The following GLT1D1 variants were observed in gnomAD, a reference collection of about 807,000 sequenced individuals.
The protein encoded by GLT1D1 is glycosyltransferase 1 domain-containing protein 1.
GLT1D1 carries 21 observed loss-of-function variants against 28.7 expected under a neutral mutation model. The observed-to-expected ratio is 0.73, with a 90% CI of 0.52 to 1.05. The LOEUF (loss-of-function observed/expected upper bound fraction) is 1.05. Among genes scored for constraint, GLT1D1 ranks in the 50% least tolerant of loss-of-function variants. The pLI is 0.00. For synonymous variants in GLT1D1, 147 were observed against 124.8 expected (o/e 1.18, Z -1.19); for missense variants, 343 against 330.6 (o/e 1.04, Z -0.29).
Position 128,875,963 on chromosome 12 carries a change from G to A in GLT1D1, c.118G>A (p.Asp40Asn). ...CGTGTGCGTTTTGAAGGATGCCTTT[G>A]ACTTTGAAAGCCGATCTGAGATTGC... Residue 40 changes from aspartate to asparagine, a missense_variant, in exon 2 of 8, where the codon GAC becomes AAC. Transcript: ENST00000281703. 1.2e-6 allele frequency: 2 copies of A among 1,614,094 alleles called. No individual in the cohort carries two copies. The highest frequency in any genetic ancestry group is 2.7e-5 in the African/African-American group (2 of 75,042).
chr12:128,864,692 G>A (rs1835779584), intron 1 of GLT1D1, among the ~76,000 whole-genome samples: 1 of 152,210 alleles, frequency 6.6e-6, no homozygotes, highest in Admixed American at 6.5e-5. Context: ...AAGGGGCTCG[G>A]GCATATTTGA....
chr12:128,883,115 C>T (rs1957096872), intron 2 of GLT1D1, among the ~76,000 whole-genome samples: 1 of 149,386 alleles, frequency 6.7e-6, no homozygotes, highest in South Asian at 2.1e-4. Flanking sequence ...TTAGTGGAGA[C>T]GGGTTTCATC....
intron 1 of GLT1D1, among the ~76,000 whole-genome samples, chr12:128,874,126 CTTTCTTTCTTTCTTTCTT>C (rs778075521): frequency 0.031 from 1,163 of 37,628 alleles, 52 homozygotes; most frequent in Middle Eastern, 0.05. Context: ...CTCTCTCTCT[CTTTCTTTCTTTCTTTCTT>C]TCTTTCTTTC....
At chr12:128,970,993 GTTTT>G (rs779503142) in intron 7 of GLT1D1, among the ~76,000 whole-genome samples, 26 of 152,164 alleles carry the variant, frequency 1.7e-4, no homozygotes, top group Non-Finnish European at 2.9e-4. Context: ...CAGAGGGCGT[GTTTT>G]TTTATTTTCA....
Position 128,876,051 on chromosome 12 carries a change from G to A in GLT1D1, c.206G>A (p.Arg69Lys), listed in dbSNP as rs148754002. Residue 69 changes from arginine to lysine, a missense_variant, in exon 2 of 8, where the codon AGG becomes AAG. Transcript: ENST00000281703. ...GCTCTTCATCTCTATAGGGGAGGCAGGCTTTTGCAAGGTAATCCTCTTTTT... is the reference window on the plus strand; with the variant it reads ...GCTCTTCATCTCTATAGGGGAGGCAAGCTTTTGCAAGGTAATCCTCTTTTT... 48 of 1,603,824 alleles carry A rather than the reference G, an allele frequency of 3.0e-5. No homozygotes were observed. In the African/African-American group the frequency reaches 6.3e-4, roughly 21 times the overall value.
At chr12:128,864,466 C>A (rs1956466268) in intron 1 of GLT1D1, among the ~76,000 whole-genome samples, 2 of 152,108 alleles carry the variant, frequency 1.3e-5, no homozygotes, top group African/African-American at 4.8e-5. Flanking sequence ...GCCAAAGGGG[C>A]AGTGAGGGTT....
intron 7 of GLT1D1, among the ~76,000 whole-genome samples, chr12:128,969,811 A>G (rs760248453): frequency 4.6e-5 from 7 of 152,188 alleles, no homozygotes; most frequent in Non-Finnish European, 8.8e-5. Flanking sequence ...TCATCCTGAC[A>G]CTTGGCTCTC....
intron 7 of GLT1D1, among the ~76,000 whole-genome samples, chr12:128,977,731 C>T (rs1011764825): frequency 4.6e-5 from 7 of 150,834 alleles, no homozygotes; most frequent in Non-Finnish European, 7.4e-5. Flanking sequence ...GAGTTTTTAG[C>T]GTCTGCCCTC....
intron 4 of GLT1D1, among the ~76,000 whole-genome samples, chr12:128,916,060 TTCTTA>T (rs1303780845): frequency 3.3e-5 from 5 of 152,252 alleles, no homozygotes; most frequent in Admixed American, 3.3e-4. Flanking sequence ...AGTCTAATTT[TTCTTA>T]TCTTAGATTA....
intron 4 of GLT1D1, chr12:128,945,089 C>A: frequency 1.5e-6 from 1 of 683,888 alleles, no homozygotes; most frequent in Non-Finnish European, 2.6e-6. Flanking sequence ...CGGAGCAGGT[C>A]CCCGCTGGAA....
In GLT1D1 at chr12:128,932,749, G is replaced by C. The variant is rs1282588933; in HGVS notation, c.376-12577G>C. Among the ~76,000 whole-genome samples, 4 of 152,220 alleles carry C rather than the reference G, an allele frequency of 2.6e-5. No individual in the cohort carries two copies. The East Asian group carries it at 7.8e-4, about 30-fold the overall frequency. ...AGGCCGCCGGTCTTCAGCCTCGGGG[G>C]GCCTTTAGCAGAGGCGAAGGCTCTG... On this transcript the variant is annotated intron_variant, in intron 4 of 7. Transcript: ENST00000281703.
At position 128,908,935 on chromosome 12, in the gene GLT1D1, C is replaced by G. The variant is rs565419213; in HGVS notation, c.375+9648C>G. Among the ~76,000 whole-genome samples the G allele has an allele frequency of 2.6e-5, 4 of 151,834 alleles. No individual in the cohort carries two copies. The South Asian group carries it at 6.2e-4, about 24-fold the overall frequency. ...CTGCACTCCAGCCTGGGCGACAGAG[C>G]GAGACTCCGTCTCAAAAATAAATAA... is the stretch of plus-strand genomic sequence containing the variant. On this transcript the variant is annotated intron_variant, in intron 4 of 7. Coordinates refer to ENST00000281703, the MANE Select transcript of GLT1D1 (RefSeq NM_144669.3).
chr12:128,865,721 C>G (rs553060475), intron 1 of GLT1D1, among the ~76,000 whole-genome samples: 2 of 151,964 alleles, frequency 1.3e-5, no homozygotes, highest in East Asian at 3.9e-4. Context: ...ACTCGGGAGG[C>G]GGAGGCAGGA....
chr12:128,875,507 A>G (rs982988298), intron 1 of GLT1D1, among the ~76,000 whole-genome samples: 1 of 152,186 alleles, frequency 6.6e-6, no homozygotes, highest in African/African-American at 2.4e-5. Flanking sequence ...TAAAATCTTA[A>G]TCATAGTAGC....
intron 2 of GLT1D1, among the ~76,000 whole-genome samples, chr12:128,884,700 G>C (rs1957137616): frequency 6.6e-6 from 1 of 152,070 alleles, no homozygotes; most frequent in African/African-American, 2.4e-5. Context: ...TGTAATCCCA[G>C]CTACTTGGGA....
chr12:128,983,146 AGAG>A lies in GLT1D1; in HGVS notation c.*57_*59del. On this transcript the variant is annotated 3_prime_UTR_variant, in exon 8 of 8. Transcript: ENST00000281703. This position sits in a 1 kb window ranked among gnomAD's most constrained non-coding sequence, Gnocchi z 4.7. ...GACACACAGCTCTGGGTGCACACTC[AGAG>A]ACAGAGTTCTGGATCACGTGGGCCC... The A allele has an allele frequency of 6.6e-7, 1 of 1,523,940 alleles. No individual in the cohort carries two copies. The highest frequency in any genetic ancestry group is 9.0e-7 in the Non-Finnish European group (1 of 1,105,680). The allele number at this position is 1,523,940 out of a possible 1,614,324, so 94.4% of individuals were successfully genotyped here.
At chr12:128,961,145 C>T (rs1593193752) in intron 7 of GLT1D1, among the ~76,000 whole-genome samples, 1 of 152,200 alleles carries the variant, frequency 6.6e-6, no homozygotes, top group East Asian at 1.9e-4. Flanking sequence ...AGTCAGGGTT[C>T]CCCAGAGAAA....
chr12:128,953,952 GCC>G (rs1375285174), intron 6 of GLT1D1, among the ~76,000 whole-genome samples: 1 of 151,706 alleles, frequency 6.6e-6, no homozygotes, highest in Non-Finnish European at 1.5e-5. Context: ...CACCACGTTG[GCC>G]AGGCTGGTCT....
At chr12:128,941,818 A>G (rs1550047) in intron 4 of GLT1D1, among the ~76,000 whole-genome samples, 16,670 of 147,754 alleles carry the variant, frequency 0.11, 2,510 homozygotes, top group African/African-American at 0.35. Flanking sequence ...TGATCACATG[A>G]TCCCCCCTCC....
Sources: gnomAD v4.1 joint callset for allele counts (sites outside exome capture counted in the v4.1 genomes callset) on GRCh38, gnomAD v4.1.1 for gene constraint, Gnocchi (gnomAD v3.1) non-coding constraint, MANE v1.5 for transcripts, NCBI Gene and HGNC (gene_info 2026-07-23, HGNC 2026-07-21) for gene names.